NID2: variants seen among roughly 807,000 people sequenced by gnomAD.
The protein encoded by NID2 is nidogen 2, also known as nidogen-2.
A neutral mutation model predicts 145.4 loss-of-function variants in NID2; 83 were observed. The ratio of observed to expected loss-of-function variants is 0.57; its 90% CI spans 0.48 to 0.69. NID2 has a LOEUF of 0.69. Ranked by LOEUF, NID2 falls within the 30% of genes least tolerant of loss-of-function variation. The pLI, the probability that NID2 is intolerant of heterozygous loss-of-function variation, is 0.00. For synonymous variants in NID2, 739 were observed against 701.3 expected (o/e 1.05, Z -0.85); for missense variants, 1,807 against 1,765.7 (o/e 1.02, Z -0.42).
At chr14:52,062,575 G>GA (rs965218977) in intron 2 of NID2, among the ~76,000 whole-genome samples, 13 of 152,108 alleles carry the variant, frequency 8.5e-5, no homozygotes, top group South Asian at 2.1e-4. Context: ...AGAGGAAGGA[G>GA]AAAAAACCCC....
chr14:52,013,193 C>T (rs1566743109), intron 16 of NID2, among the ~76,000 whole-genome samples: 3 of 152,206 alleles, frequency 2.0e-5, no homozygotes, highest in Admixed American at 6.5e-5. Context: ...AAATAACCCA[C>T]GTCCCATTTC....
Position 52,007,473 on chromosome 14 carries a change from G to A in NID2, c.3880+337C>T, listed in dbSNP as rs931119407. 1.1e-5 allele frequency: 3 copies of A among 282,202 alleles called. No homozygotes were observed. The Admixed American group carries it at 1.6e-4, about 15-fold the overall frequency. The allele number at this position is 282,202 out of a possible 1,614,324, so 17.5% of individuals were successfully genotyped here. A position where few individuals can be genotyped will look rare whatever the true frequency, so the allele number is the denominator to read the frequency against. ...TTAGCATTATAACAGATGTTTATAG[G>A]TAAGTTATAGTGACCCTCTCCCCGC... On this transcript the variant is annotated intron_variant, in intron 19 of 21. Transcript: ENST00000216286.
intron 14 of NID2, among the ~76,000 whole-genome samples, chr14:52,015,864 T>C (rs545821944): frequency 2.1e-4 from 32 of 152,242 alleles, no homozygotes; most frequent in African/African-American, 7.5e-4. Flanking sequence ...GAAAACTACA[T>C]GGAGTAAAGG....
intron 19 of NID2, chr14:52,006,994 CTTTGTA>C (rs1890811160): frequency 5.8e-6 from 1 of 173,544 alleles, no homozygotes; most frequent in African/African-American, 2.4e-5. Context: ...AATACTTGCC[CTTTGTA>C]AGCTATGTCT....
intron 14 of NID2, among the ~76,000 whole-genome samples, chr14:52,017,854 CTG>C (rs895014816): frequency 1.3e-5 from 2 of 152,116 alleles, no homozygotes; most frequent in Non-Finnish European, 2.9e-5. Flanking sequence ...GAGTCTCACT[CTG>C]TTGCCAGGCT....
chr14:52,039,667 C>T (rs1892204415), intron 8 of NID2, among the ~76,000 whole-genome samples: 1 of 152,220 alleles, frequency 6.6e-6, no homozygotes, highest in Non-Finnish European at 1.5e-5. Context: ...AGGCACAACT[C>T]AATCCGGATT....
At chr14:52,037,707 G>A (rs999560437) in intron 9 of NID2, among the ~76,000 whole-genome samples, 1 of 152,162 alleles carries the variant, frequency 6.6e-6, no homozygotes, top group Non-Finnish European at 1.5e-5. Flanking sequence ...TTCTGATAGG[G>A]ATTATGTTGA....
intron 5 of NID2, among the ~76,000 whole-genome samples, chr14:52,051,841 C>T (rs1170356433): frequency 1.3e-5 from 2 of 152,144 alleles, no homozygotes; most frequent in Admixed American, 6.5e-5. Flanking sequence ...AGACTGCATC[C>T]GGCAGCTGAT....
At chr14:52,010,739 C>G in intron 18 of NID2, 137 bp downstream of exon 18, 2 of 811,376 alleles carry the variant, frequency 2.5e-6, no homozygotes, top group South Asian at 3.6e-5. Context: ...CCTCTTAGAT[C>G]CTCAGTAAAT....
At position 52,030,581 on chromosome 14, in the gene NID2, A is replaced by AGAAC. The variant is rs1566755711; in HGVS notation, c.2258-892_2258-891insGTTC. On this transcript the variant is annotated intron_variant, in intron 9 of 21. Coordinates refer to ENST00000216286, the MANE Select transcript of NID2 (RefSeq NM_007361.4). ...GAAAGAAAGAAAGGAAGGAAGGGAA[A>AGAAC]GAAAGAAAGAAAGAAAGAAAGAAAG... 2.9e-4 allele frequency among the ~76,000 whole-genome samples: 11 copies of AGAAC among 37,996 alleles called. 1 individual carries two copies. Among genetic ancestry groups the AGAAC allele is most frequent in the African/African-American group, 1.3e-3 (10 of 7,476 alleles). The allele number at this position is 37,996 out of a possible 152,430, so 24.9% of individuals were successfully genotyped here.
At chr14:52,060,378 AAGAGAGAG>A (rs749643395) in intron 2 of NID2, 22 bp from the exon 3 acceptor site, 1 of 806,186 alleles carries the variant, frequency 1.2e-6, no homozygotes, top group Non-Finnish European at 1.7e-6. Context: ...AAAAAAAAAA[AAGAGAGAG>A]AGAGAGAGAG....
At chr14:52,024,303 A>G (rs2140368100) in intron 12 of NID2, among the ~76,000 whole-genome samples, 1 of 152,334 alleles carries the variant, frequency 6.6e-6, no homozygotes, top group African/African-American at 2.4e-5. Context: ...TTTTGTGATT[A>G]TGACTTCCAT....
At chr14:52,018,978 CG>C in intron 14 of NID2, 82 bp downstream of exon 14, 1 of 991,284 alleles carries the variant, frequency 1.0e-6, no homozygotes, top group Non-Finnish European at 1.6e-6. Flanking sequence ...TGACTGGCCC[CG>C]TGCCTGCGTG....
In NID2 at chr14:52,023,257, G is replaced by A. The variant is rs142063086; in HGVS notation, c.2675-3079C>T. Among the ~76,000 whole-genome samples the A allele has an allele frequency of 4.2e-4, 64 of 152,056 alleles. 1 individual carries two copies. The East Asian group carries it at 0.01, about 24-fold the overall frequency. ...TTTGGGAGGCTGAGGGGGGTAGATC[G>A]ATTGAGCTCAGGAGTTTGAGACAAG... On this transcript the variant is annotated intron_variant, in intron 12 of 21. Transcript: ENST00000216286.
intron 12 of NID2, among the ~76,000 whole-genome samples, chr14:52,024,902 G>A (rs532826954): frequency 6.6e-6 from 1 of 152,236 alleles, no homozygotes; most frequent in African/African-American, 2.4e-5. Context: ...AAAGGAGGGA[G>A]AGAATCATTG....
chr14:52,007,948 A>C lies in NID2; in HGVS notation c.3742T>G (p.Trp1248Gly), dbSNP rs1322023517. 6.2e-7 allele frequency: 1 copy of C among 1,611,998 alleles called. No homozygotes were observed. Among genetic ancestry groups the C allele is most frequent in the Non-Finnish European group, 8.5e-7 (1 of 1,179,446 alleles). ...PIRGNLYWTDWNREAPKIETS... is the reference protein window; with the variant it reads ...PIRGNLYWTDGNREAPKIETS... ...TCAATTTTAGGAGCTTCTCTATTCC[A>C]GTCTGTCCAGTACAAGTTGCTGTAA... is the stretch of plus-strand genomic sequence containing the variant. Residue 1248 changes from tryptophan (W) to glycine (G), a missense_variant, in exon 19 of 22, where the codon TGG becomes GGG. Physicochemically the swap from Trp to Gly is radical, Grantham distance 184. Transcript: ENST00000216286.
rs1891036006 is a variant in NID2, at chr14:52,011,684, CT to C, written c.3421-2del. 3.7e-6 allele frequency: 6 copies of C among 1,614,128 alleles called. No individual in the cohort carries two copies. The highest frequency in any genetic ancestry group is 5.1e-6 in the Non-Finnish European group (6 of 1,180,008). On this transcript the variant is annotated splice_acceptor_variant, in intron 16 of 21. Coordinates refer to ENST00000216286, the MANE Select transcript of NID2 (RefSeq NM_007361.4). LOFTEE classifies it high-confidence loss of function. ...AATCAATTCCCACGATTATGGAGCC[CT>C]TTGTGCATCAAATCATAGAATTAGA...
At chr14:52,039,108 G>T in intron 8 of NID2, 131 bp from the exon 9 acceptor site, 1 of 676,384 alleles carries the variant, frequency 1.5e-6, no homozygotes, top group Non-Finnish European at 2.4e-6. Flanking sequence ...GAGTTTATAT[G>T]AAAAAATGTG....
At chr14:52,047,024 C>T (rs1268897955) in intron 5 of NID2, among the ~76,000 whole-genome samples, 1 of 152,196 alleles carries the variant, frequency 6.6e-6, no homozygotes, top group African/African-American at 2.4e-5. Flanking sequence ...AAGGTAAATG[C>T]TTCTTACAAT....
Sources: allele counts gnomAD v4.1 joint callset (sites outside exome capture counted in the v4.1 genomes callset), GRCh38; gene constraint gnomAD v4.1.1; transcripts MANE v1.5; gene names NCBI Gene and HGNC (gene_info 2026-07-23, HGNC 2026-07-21).